The following CD3D variants were observed in gnomAD, a reference collection of about 807,000 sequenced individuals.
CD3D encodes T-cell surface glycoprotein CD3 delta chain.
In CD3D, 22 loss-of-function variants were observed where a neutral mutation model predicts 22.0. The observed-to-expected ratio is 1.00, with a 90% CI of 0.71 to 1.43. The LOEUF is 1.43. CD3D is among the 40% of genes most tolerant of loss of function. The pLI is 0.00. For missense variants in CD3D, 205 were observed against 211.7 expected, an observed-to-expected ratio of 0.97 and a Z score of 0.20; for synonymous variants, 74 against 81.2, an observed-to-expected ratio of 0.91 and a Z score of 0.48.
Position 118,342,671 on chromosome 11 carries a change from T to C in CD3D, c.-64A>G, listed in dbSNP as rs1948311777. ...CCGAACTATCAGCCTGGGTGAGAGC[T>C]GCCCTCCCCTAGCTGACTCACAGGT... On this transcript the variant is annotated 5_prime_UTR_variant, in exon 1 of 5. Coordinates refer to ENST00000300692, the MANE Select transcript of CD3D (RefSeq NM_000732.6). 2.2e-6 allele frequency: 3 copies of C among 1,390,548 alleles called. No individual in the cohort carries two copies. Among genetic ancestry groups the C allele is most frequent in the Non-Finnish European group, 3.1e-6 (3 of 977,590 alleles). The allele number at this position is 1,390,548 out of a possible 1,614,324, so 86.1% of individuals were successfully genotyped here.
In CD3D at chr11:118,342,558, G is replaced by C; in HGVS notation, c.50C>G (p.Ser17Trp). Residue 17 changes from serine (S) to tryptophan (W), a missense_variant, in exon 1 of 5, where the codon TCG becomes TGG. Physicochemically the swap from Ser to Trp is radical, Grantham distance 177 (BLOSUM62 -3). Transcript: ENST00000300692. The stretch of plus-strand genomic sequence containing the variant: ...CCCACCTGGAGTAGCCTTACCTTGC[G>C]AGAGAAGGGTAGCCAGTACCAGGCC... ...LSGLVLATLL[S>W]QVSPFKIPIE... 2 of 1,613,606 alleles carry C rather than the reference G, an allele frequency of 1.2e-6. No homozygotes were observed. The highest frequency in any genetic ancestry group is 1.7e-6 in the Non-Finnish European group (2 of 1,179,662).
At chr11:118,339,556 C>T (rs1348765375) in intron 3 of CD3D, 62 bp from the exon 4 acceptor site, 14 of 1,600,864 alleles carry the variant, frequency 8.7e-6, no homozygotes, top group Non-Finnish European at 1.2e-5. Context: ...TCCACCCTCC[C>T]ACACCCTCAG....
Position 118,340,486 on chromosome 11 carries a change from T to C in CD3D, c.163A>G (p.Ile55Val). The change falls in exon 2 of 5, where the codon ATT becomes GTT. Residue 55 changes from isoleucine (I) to valine (V), a missense_variant. Coordinates refer to ENST00000300692, the MANE Select transcript of CD3D (RefSeq NM_000732.6). ...CGTTTTCCCAGGTCCAGTCTTGTAATGTCTGAGAGCAGTGTTCCCACCGTT... is the reference window on the plus strand; with the variant it reads ...CGTTTTCCCAGGTCCAGTCTTGTAACGTCTGAGAGCAGTGTTCCCACCGTT... ...EGTVGTLLSD[I>V]TRLDLGKRIL... 6.2e-7 allele frequency: 1 copy of C among 1,614,062 alleles called. No individual in the cohort carries two copies.
chr11:118,342,410 A>ATCC, intron 1 of CD3D, 143 bp downstream of exon 1: 1 of 724,520 alleles, frequency 1.4e-6, no homozygotes, highest in Non-Finnish European at 2.5e-6. Context: ...GCCTCAAAGG[A>ATCC]TCCTCCCACT....
chr11:118,339,883 C>T lies in CD3D; in HGVS notation c.298G>A (p.Asp100Asn). 1 of 1,614,032 alleles carries T rather than the reference C, an allele frequency of 6.2e-7. No individual in the cohort carries two copies. The stretch of plus-strand genomic sequence containing the variant: ...ATGATGCCAGCCACGGTGGCTGGAT[C>T]CAGCTCCACACAGCTCTGGCACACT... ...YRMCQSCVEL[D>N]PATVAGIIVT... Residue 100 changes from aspartate (D) to asparagine (N), a missense_variant, in exon 3 of 5, where the codon GAT becomes AAT. Physicochemically the swap from Asp to Asn is conservative, Grantham distance 23. Coordinates refer to ENST00000300692, the MANE Select transcript of CD3D (RefSeq NM_000732.6).
downstream of CD3D, chr11:118,339,068 C>A (rs1241943273): frequency 8.7e-7 from 1 of 1,153,100 alleles, no homozygotes; most frequent in Non-Finnish European, 1.3e-6. Flanking sequence ...GAAGCCCAGG[C>A]ACCTGCTGAG....
In CD3D at chr11:118,342,528, C is replaced by T. The variant is rs762324678; in HGVS notation, c.55+25G>A. 8.7e-6 allele frequency: 14 copies of T among 1,609,782 alleles called. No homozygotes were observed. In the East Asian group the frequency reaches 1.1e-4, roughly 13 times the overall value. On this transcript the variant is annotated intron_variant, in intron 1 of 4. Transcript: ENST00000300692. Reference sequence around the variant, plus strand: ...AGTAATGTCCCTCTCAGGTCCCTTCCCCCACCCACCTGGAGTAGCCTTACC... The same window carrying T: ...AGTAATGTCCCTCTCAGGTCCCTTCTCCCACCCACCTGGAGTAGCCTTACC...
intron 1 of CD3D, 144 bp from the exon 2 acceptor site, chr11:118,340,737 A>G: frequency 2.8e-6 from 2 of 724,818 alleles, no homozygotes; most frequent in Non-Finnish European, 5.0e-6. Context: ...AGAAGTCACA[A>G]GAAAAAGCCT....
intron 1 of CD3D, chr11:118,340,991 T>C (rs1948295520): frequency 4.3e-6 from 2 of 469,918 alleles, no homozygotes; most frequent in Non-Finnish European, 8.5e-6. Flanking sequence ...CATTTTTTCT[T>C]CAAGGAAACA....
At chr11:118,340,959 A>G (rs1255313192) in intron 1 of CD3D, 1 of 503,352 alleles carries the variant, frequency 2.0e-6, no homozygotes, top group Non-Finnish European at 3.9e-6. Flanking sequence ...ACAGAAGAAC[A>G]TTCCTCGATT....
chr11:118,340,511 T>C lies in CD3D; in HGVS notation c.138A>G (p.Gly46=). The C allele has an allele frequency of 6.2e-7, 1 of 1,614,084 alleles. No homozygotes were observed. The highest frequency in any genetic ancestry group is 8.5e-7 in the Non-Finnish European group (1 of 1,180,000). Reference sequence around the variant, plus strand: ...TGTCTGAGAGCAGTGTTCCCACCGTTCCCTCTACCCATGTGATGCTGGTAT... The same window carrying C: ...TGTCTGAGAGCAGTGTTCCCACCGTCCCCTCTACCCATGTGATGCTGGTAT... ...NCNTSITWVE[G]TVGTLLSDIT... The change falls in exon 2 of 5, where the codon GGA becomes GGG. Residue 46 remains glycine, a synonymous_variant. Coordinates refer to ENST00000300692, the MANE Select transcript of CD3D (RefSeq NM_000732.6).
At position 118,340,950 on chromosome 11, in the gene CD3D, CAGA is replaced by C. The variant is rs142873139; in HGVS notation, c.56-360_56-358del. On this transcript the variant is annotated intron_variant, in intron 1 of 4. Transcript: ENST00000300692. ...GAAGCACCTGGAAGATGTGGAAAGA[CAGA>C]AGAACATTCCTCGATTGGAAATGTC... is the stretch of plus-strand genomic sequence containing the variant. 2,106 of 520,638 alleles carry C rather than the reference CAGA, an allele frequency of 4.0e-3. 43 individuals carry two copies. Among genetic ancestry groups the C allele is most frequent in the African/African-American group, 0.035 (1,855 of 52,816 alleles). The allele number at this position is 520,638 out of a possible 1,614,324, so 32.3% of individuals were successfully genotyped here.
At position 118,342,566 on chromosome 11, in the gene CD3D, G is replaced by GGT. The variant is rs767884151; in HGVS notation, c.40_41dup (p.Leu15ProfsTer6). The GGT allele has an allele frequency of 6.2e-7, 1 of 1,613,672 alleles. No individual in the cohort carries two copies. The highest frequency in any genetic ancestry group is 1.7e-5 in the Admixed American group (1 of 59,992). On this transcript the variant is annotated frameshift_variant, in exon 1 of 5. Coordinates refer to ENST00000300692, the MANE Select transcript of CD3D (RefSeq NM_000732.6). LOFTEE classifies it high-confidence loss of function. ...GAGTAGCCTTACCTTGCGAGAGAAG[G>GGT]GTAGCCAGTACCAGGCCAGAGAGAA...
chr11:118,340,033 A>C, intron 2 of CD3D, 127 bp from the exon 3 acceptor site: 3 of 1,138,836 alleles, frequency 2.6e-6, no homozygotes, highest in Non-Finnish European at 2.6e-6. Flanking sequence ...CCCTGGGAGA[A>C]AGGCCTGGTG....
At chr11:118,341,581 T>C (rs1000661989) in intron 1 of CD3D, among the ~76,000 whole-genome samples, 2 of 152,200 alleles carry the variant, frequency 1.3e-5, no homozygotes. Flanking sequence ...GGGAGACACA[T>C]GCACATCAAA....
chr11:118,339,021 GT>G (rs1948274410), downstream of CD3D: 2 of 796,718 alleles, frequency 2.5e-6, no homozygotes, highest in Non-Finnish European at 4.6e-6. Context: ...TCCCAAGCAA[GT>G]CAGGACAACT....
intron 1 of CD3D, among the ~76,000 whole-genome samples, chr11:118,341,243 AAGG>A (rs768783163): frequency 5.9e-5 from 9 of 152,188 alleles, no homozygotes; most frequent in African/African-American, 1.2e-4. Flanking sequence ...CCTTGGTTAG[AAGG>A]AGGAGAACAG....
At position 118,339,777 on chromosome 11, in the gene CD3D, C is replaced by T. The variant is rs1041460305; in HGVS notation, c.404G>A (p.Gly135Glu). Reference protein sequence around the residue: ...FAGHETGRLSGAADTQALLRN... With the variant: ...FAGHETGRLSEAADTQALLRN... ...TCATGCTCTGCTCTTCCACTAACCC[C>T]CAGACAGCCTTCCAGTCTCATGTCC... Residue 135 changes from glycine to glutamate, a missense_variant and splice_region_variant, in exon 3 of 5, where the codon GGG becomes GAG. Gly to Glu is a moderately conservative substitution (Grantham distance 98). Coordinates refer to ENST00000300692, the MANE Select transcript of CD3D (RefSeq NM_000732.6). 5.0e-6 allele frequency: 8 copies of T among 1,613,424 alleles called. No homozygotes were observed. The highest frequency in any genetic ancestry group is 6.8e-6 in the Non-Finnish European group (8 of 1,179,944).
intron 4 of CD3D, 67 bp from the exon 5 acceptor site, chr11:118,339,294 G>T: frequency 6.5e-7 from 1 of 1,540,066 alleles, no homozygotes; most frequent in Non-Finnish European, 9.0e-7. Flanking sequence ...GGCCCCAGCA[G>T]GCCCTGACGA....
Sources: allele counts gnomAD v4.1 joint callset (sites outside exome capture counted in the v4.1 genomes callset), GRCh38; gene constraint gnomAD v4.1.1; transcripts MANE v1.5; gene names NCBI Gene and HGNC (gene_info 2026-07-23, HGNC 2026-07-21).